Variants in DCLK2 observed in about 807,000 individuals in gnomAD.
DCLK2 encodes doublecortin like kinase 2, also known as serine/threonine-protein kinase DCLK2.
Under a neutral mutation model 78.4 loss-of-function variants are expected in DCLK2, and 31 were observed. That is an observed-to-expected ratio of 0.40 (90% CI 0.30 to 0.53). DCLK2 has a LOEUF of 0.53. DCLK2 is among the 20% of genes least tolerant of loss of function. The pLI, the probability that DCLK2 is intolerant of heterozygous loss-of-function variation, is 0.61. For missense variants in DCLK2, 872 were observed against 973.7 expected (o/e 0.90, Z 1.39); for synonymous variants, 407 against 374.9 (o/e 1.09, Z -0.99).
At chr4:150,225,030 A>G (rs1741495252) in intron 8 of DCLK2, among the ~76,000 whole-genome samples, 1 of 152,230 alleles carries the variant, frequency 6.6e-6, no homozygotes, top group Admixed American at 6.5e-5. Context: ...GGTGAGGCTG[A>G]GGAGCCCAGC....
intron 4 of DCLK2, among the ~76,000 whole-genome samples, chr4:150,200,398 C>T (rs1251192402): frequency 1.3e-5 from 2 of 152,178 alleles, no homozygotes; most frequent in African/African-American, 2.4e-5. Flanking sequence ...GTGTGTTCGA[C>T]ACTTTAGCTA....
intron 12 of DCLK2, among the ~76,000 whole-genome samples, chr4:150,247,006 T>A (rs1743370720): frequency 6.6e-6 from 1 of 152,148 alleles, no homozygotes; most frequent in Non-Finnish European, 1.5e-5. Context: ...CCTGAACTCC[T>A]TATGACTTTT....
Position 150,232,317 on chromosome 4 carries a change from C to T in DCLK2, c.1300-20C>T. 6.2e-7 allele frequency: 1 copy of T among 1,612,688 alleles called. No homozygotes were observed. On this transcript the variant is annotated intron_variant, in intron 8 of 15. Transcript: ENST00000296550. The stretch of plus-strand genomic sequence containing the variant: ...GGTTCTGTGATTTCTGATCTCCTCT[C>T]TATACCGTTCATTTGACAGGAACAC...
chr4:150,250,252 A>G (rs1743664812), intron 15 of DCLK2, among the ~76,000 whole-genome samples: 1 of 152,140 alleles, frequency 6.6e-6, no homozygotes, highest in African/African-American at 2.4e-5. Context: ...CGATGGCCTT[A>G]TTTTTTTCAG....
intron 2 of DCLK2, among the ~76,000 whole-genome samples, chr4:150,182,117 G>A (rs954738645): frequency 6.6e-6 from 1 of 151,472 alleles, no homozygotes; most frequent in African/African-American, 2.4e-5. Flanking sequence ...GCACCATCTC[G>A]GTTCGCTGCA....
At chr4:150,109,627 A>G (rs181538275) in intron 2 of DCLK2, among the ~76,000 whole-genome samples, 353 of 152,300 alleles carry the variant, frequency 2.3e-3, no homozygotes, top group African/African-American at 7.9e-3. Context: ...GTGAGCCACC[A>G]TGCCTGGCTG....
intron 2 of DCLK2, among the ~76,000 whole-genome samples, chr4:150,138,853 A>G (rs943216826): frequency 6.6e-6 from 1 of 151,962 alleles, no homozygotes; most frequent in African/African-American, 2.4e-5. Flanking sequence ...TTTAGTAGAG[A>G]CAGGGTTTCA....
At position 150,079,273 on chromosome 4, in the gene DCLK2, C is replaced by T; in HGVS notation, c.246C>T (p.Arg82=). 2 of 1,603,126 alleles carry T rather than the reference C, an allele frequency of 1.2e-6. No individual in the cohort carries two copies. The highest frequency in any genetic ancestry group is 1.7e-6 in the Non-Finnish European group (2 of 1,175,108). Residue 82 remains arginine (R), a synonymous_variant, in exon 1 of 16, where the codon CGC becomes CGT. Coordinates refer to ENST00000296550, the MANE Select transcript of DCLK2 (RefSeq NM_001040260.4). ...CGCGCTTCTACCGGAACGGGGACCG[C>T]TACTTCAAGGGCCTGGTGTTTGCCA... ...KKARFYRNGD[R]YFKGLVFAIS... is the part of the protein sequence containing the mutation.
intron 2 of DCLK2, among the ~76,000 whole-genome samples, chr4:150,127,697 C>T (rs1399558313): frequency 1.3e-5 from 2 of 152,152 alleles, no homozygotes; most frequent in East Asian, 1.9e-4. Flanking sequence ...ACCTTCTCTC[C>T]GTGTGTGTCT....
chr4:150,204,961 A>T (rs1477331088), intron 5 of DCLK2, among the ~76,000 whole-genome samples: 1 of 151,932 alleles, frequency 6.6e-6, no homozygotes, highest in African/African-American at 2.4e-5. Flanking sequence ...TTCTGAGAAT[A>T]CTGATGTATA....
rs368847861 is a variant in DCLK2 at position 150,164,525 on chromosome 4, G to A, written c.757-28613G>A. 3.9e-5 allele frequency among the ~76,000 whole-genome samples: 6 copies of A among 152,210 alleles called. No homozygotes were observed. The South Asian group carries it at 6.2e-4, about 16-fold the overall frequency. Reference sequence around the variant, plus strand: ...TTTAAAAATATTTTAAGGGTCGGATGTGGTGGCTCACACCTGTAATCCCAG... The same window carrying A: ...TTTAAAAATATTTTAAGGGTCGGATATGGTGGCTCACACCTGTAATCCCAG... On this transcript the variant is annotated intron_variant, in intron 2 of 15. Coordinates refer to ENST00000296550, the MANE Select transcript of DCLK2 (RefSeq NM_001040260.4).
At chr4:150,214,743 C>T (rs1434787495) in intron 5 of DCLK2, among the ~76,000 whole-genome samples, 5 of 152,048 alleles carry the variant, frequency 3.3e-5, no homozygotes. Flanking sequence ...GGGTGGATCA[C>T]TTGGGGTCAA....
chr4:150,239,643 A>G (rs1268144889), intron 10 of DCLK2, 99 bp from the exon 11 acceptor site: 3 of 1,413,274 alleles, frequency 2.1e-6, no homozygotes, highest in Admixed American at 4.3e-5. Context: ...CGAGTTTAAT[A>G]GTAAATGTAT....
chr4:150,208,919 A>C lies in DCLK2; in HGVS notation c.1056+5030A>C, dbSNP rs147783082. Among the ~76,000 whole-genome samples the C allele has an allele frequency of 2.0e-3, 307 of 152,290 alleles. 2 individuals carry two copies. The highest frequency in any genetic ancestry group is 3.3e-3 in the Non-Finnish European group (225 of 68,026). ...AAGATGGGTATAGATTGGAATTAGCATATCCAGATTCAGCAGATACATGGG... is the reference window on the plus strand; with the variant it reads ...AAGATGGGTATAGATTGGAATTAGCCTATCCAGATTCAGCAGATACATGGG... On this transcript the variant is annotated intron_variant, in intron 5 of 15. Transcript: ENST00000296550.
At chr4:150,253,533 G>A (rs1284662055) in intron 15 of DCLK2, 8 of 1,289,548 alleles carry the variant, frequency 6.2e-6, no homozygotes, top group African/African-American at 1.5e-5. Flanking sequence ...CTGAGACAGT[G>A]GGAGAGCCTG....
chr4:150,090,299 G>A (rs760413393), intron 1 of DCLK2, among the ~76,000 whole-genome samples: 3 of 152,266 alleles, frequency 2.0e-5, no homozygotes, highest in South Asian at 2.1e-4. Context: ...CCAGCTACTC[G>A]GGAGGCTGAG....
At chr4:150,179,370 A>G (rs1359847071) in intron 2 of DCLK2, among the ~76,000 whole-genome samples, 2 of 152,178 alleles carry the variant, frequency 1.3e-5, no homozygotes, top group African/African-American at 4.8e-5. Flanking sequence ...TAGAAACATA[A>G]ATAGTCCCAC....
At chr4:150,214,969 A>AAAAG (rs1441396845) in intron 5 of DCLK2, among the ~76,000 whole-genome samples, 1 of 145,904 alleles carries the variant, frequency 6.9e-6, no homozygotes, top group African/African-American at 2.8e-5. Flanking sequence ...AAAAAAAAAA[A>AAAAG]AAAGAAAGAA....
intron 3 of DCLK2, among the ~76,000 whole-genome samples, chr4:150,194,316 C>T (rs1449649324): frequency 1.3e-5 from 2 of 152,138 alleles, no homozygotes; most frequent in East Asian, 3.9e-4. Context: ...TAGGCTACAC[C>T]ATGTAGATTT....
Sources: gnomAD v4.1 joint callset for allele counts (sites outside exome capture counted in the v4.1 genomes callset) on GRCh38, gnomAD v4.1.1 for gene constraint, MANE v1.5 for transcripts, NCBI Gene and HGNC (gene_info 2026-07-23, HGNC 2026-07-21) for gene names.